Variants in TSPAN9 observed in about 807,000 individuals in gnomAD.
TSPAN9 encodes the protein tetraspanin-9.
Under a neutral mutation model 31.0 loss-of-function variants are expected in TSPAN9, and 16 were observed. The ratio of observed to expected loss-of-function variants is 0.52; its 90% confidence interval spans 0.35 to 0.78. The LOEUF is 0.78. TSPAN9 is among the 30% of genes least tolerant of loss of function. TSPAN9 has a pLI of 0.01. For missense variants in TSPAN9, 272 were observed against 312.5 expected, an observed-to-expected ratio of 0.87 and a Z score of 0.98; for synonymous variants, 145 against 121.6, an observed-to-expected ratio of 1.19 and a Z score of -1.27.
Position 3,107,536 on chromosome 12 carries a change from CT to C in TSPAN9, c.-18+23818del, listed in dbSNP as rs1171319422. On this transcript the variant is annotated intron_variant, in intron 2 of 8. Transcript: ENST00000011898. The surrounding 1 kb of genome is among the most constrained non-coding windows in gnomAD (Gnocchi z 4.1). ...ACAGCAGACCCCCAGTCCAGCCCCC[CT>C]ATCCCTGTGCCCTTCATCTGGGGCC... is the stretch of plus-strand genomic sequence containing the variant. Among the ~76,000 whole-genome samples, 4 of 152,180 alleles carry C rather than the reference CT, an allele frequency of 2.6e-5. No homozygotes were observed. Among genetic ancestry groups the C allele is most frequent in the South Asian group, 2.1e-4 (1 of 4,828 alleles).
intron 2 of TSPAN9, among the ~76,000 whole-genome samples, chr12:3,104,297 C>T (rs1591629409): frequency 6.6e-6 from 1 of 151,668 alleles, no homozygotes; most frequent in South Asian, 2.1e-4. Flanking sequence ...GCTGTGGCTG[C>T]TCGGTAGAAA....
chr12:3,158,272 T>C (rs894477209), intron 2 of TSPAN9, among the ~76,000 whole-genome samples: 1 of 152,188 alleles, frequency 6.6e-6, no homozygotes, highest in African/African-American at 2.4e-5. Flanking sequence ...GGCTGTTCAG[T>C]CTGTCTGCTG....
chr12:3,276,321 C>G (rs927496386), intron 3 of TSPAN9, among the ~76,000 whole-genome samples: 1 of 152,244 alleles, frequency 6.6e-6, no homozygotes, highest in Non-Finnish European at 1.5e-5. Context: ...CTGGGACCTT[C>G]CCGTCACACT....
intron 2 of TSPAN9, among the ~76,000 whole-genome samples, chr12:3,097,936 C>T (rs1200285732): frequency 1.3e-5 from 2 of 152,232 alleles, no homozygotes; most frequent in African/African-American, 4.8e-5. Flanking sequence ...TGAGCACCTC[C>T]TCCGTGGAAG....
Position 3,278,379 on chromosome 12 carries a change from G to A in TSPAN9, c.64-42G>A, listed in dbSNP as rs781627605. ...ACTGTTCCCAGGTCCATGGACGAAT[G>A]TGAGAGCAGCGCCAGGCTAATGGGC... is the stretch of plus-strand genomic sequence containing the variant. On this transcript the variant is annotated intron_variant, in intron 3 of 8. Coordinates refer to ENST00000011898, the MANE Select transcript of TSPAN9 (RefSeq NM_006675.5). The A allele has an allele frequency of 8.1e-6, 13 of 1,607,088 alleles. No individual in the cohort carries two copies. The East Asian group carries it at 2.7e-4, about 33-fold the overall frequency.
chr12:3,118,274 T>TTTTTTTTTTTTTTTTTTC (rs2098323494), intron 2 of TSPAN9, among the ~76,000 whole-genome samples: 1 of 121,562 alleles, frequency 8.2e-6, no homozygotes, highest in African/African-American at 3.0e-5. Context: ...TTTTTTTTTT[T>TTTTTTTTTTTTTTTTTTC]TTTTTTGAGA....
At chr12:3,231,912 G>A (rs978980244) in intron 3 of TSPAN9, among the ~76,000 whole-genome samples, 1 of 152,220 alleles carries the variant, frequency 6.6e-6, no homozygotes, top group Non-Finnish European at 1.5e-5. Context: ...CTCTCAGTGG[G>A]GCTGTCTCAG....
intron 3 of TSPAN9, among the ~76,000 whole-genome samples, chr12:3,265,083 T>C (rs1043475715): frequency 6.6e-6 from 1 of 152,128 alleles, no homozygotes; most frequent in Non-Finnish European, 1.5e-5. Context: ...TTGTGTGTGG[T>C]AGAAGCCAGC....
chr12:3,258,433 A>G (rs574022469), intron 3 of TSPAN9, among the ~76,000 whole-genome samples: 1 of 152,282 alleles, frequency 6.6e-6, no homozygotes, highest in Admixed American at 6.5e-5. Context: ...GGCAGGCCCT[A>G]GATTACTGTG....
intron 2 of TSPAN9, among the ~76,000 whole-genome samples, chr12:3,131,040 C>T (rs1229963130): frequency 6.6e-6 from 1 of 151,974 alleles, no homozygotes; most frequent in African/African-American, 2.4e-5. Flanking sequence ...CTTTGCTGTG[C>T]TGCATCTCCT....
intron 3 of TSPAN9, among the ~76,000 whole-genome samples, chr12:3,229,881 A>G (rs1021152065): frequency 1.3e-5 from 2 of 152,136 alleles, no homozygotes; most frequent in African/African-American, 4.8e-5. Context: ...TAGACATCTC[A>G]GGGACCCTGC....
chr12:3,221,111 A>C (rs942944838), intron 3 of TSPAN9, among the ~76,000 whole-genome samples: 4 of 152,126 alleles, frequency 2.6e-5, no homozygotes, highest in Admixed American at 6.5e-5. Flanking sequence ...CACCCTCAGC[A>C]GGTGGCCAAG....
intron 2 of TSPAN9, among the ~76,000 whole-genome samples, chr12:3,140,474 A>G (rs1195698245): frequency 3.9e-5 from 6 of 152,194 alleles, no homozygotes; most frequent in Non-Finnish European, 7.4e-5. Context: ...GGCACTGGCC[A>G]CGGATCAGCT....
chr12:3,261,884 A>G (rs144227230), intron 3 of TSPAN9, among the ~76,000 whole-genome samples: 11 of 152,274 alleles, frequency 7.2e-5, no homozygotes, highest in Admixed American at 2.6e-4. Context: ...CCCTTCCCCC[A>G]AGGATGCTCT....
chr12:3,081,162 G>A (rs565939033), intron 1 of TSPAN9, among the ~76,000 whole-genome samples: 1 of 152,350 alleles, frequency 6.6e-6, no homozygotes, highest in South Asian at 2.1e-4. Context: ...CAGCAGGTGT[G>A]CAGTAAACGG....
intron 3 of TSPAN9, chr12:3,206,347 A>G (rs1467319804): frequency 2.2e-6 from 1 of 456,030 alleles, no homozygotes; most frequent in South Asian, 1.5e-5. Flanking sequence ...TCGTGCCAGG[A>G]AGTCGTGGAA....
chr12:3,103,469 C>T (rs1055067043), intron 2 of TSPAN9, among the ~76,000 whole-genome samples: 2 of 141,592 alleles, frequency 1.4e-5, no homozygotes, highest in African/African-American at 6.3e-5. Context: ...ACCAGGGACT[C>T]AGTGGTGAAT....
intron 3 of TSPAN9, among the ~76,000 whole-genome samples, chr12:3,212,134 G>A (rs2098379068): frequency 1.3e-5 from 2 of 152,110 alleles, no homozygotes; most frequent in African/African-American, 4.8e-5. Context: ...ACCATGCCTG[G>A]CTAATTTTTG....
intron 2 of TSPAN9, among the ~76,000 whole-genome samples, chr12:3,174,784 G>T (rs552650939): frequency 4.0e-4 from 60 of 149,076 alleles, no homozygotes; most frequent in Admixed American, 3.6e-3. Flanking sequence ...GGGTTTCACC[G>T]TGTTAGCCAG....
Sources: allele counts gnomAD v4.1 joint callset (sites outside exome capture counted in the v4.1 genomes callset), GRCh38; gene constraint gnomAD v4.1.1; non-coding constraint Gnocchi (gnomAD v3.1); transcripts MANE v1.5; gene names NCBI Gene and HGNC (gene_info 2026-07-23, HGNC 2026-07-21).